The following TRPV1 variants were observed in gnomAD, a reference collection of about 807,000 sequenced individuals.
TRPV1 encodes OTRPC1.
TRPV1 carries 82 observed loss-of-function variants against 82.3 expected under a neutral mutation model. The ratio of observed to expected loss-of-function variants is 1.00; its 90% confidence interval spans 0.83 to 1.20. The LOEUF (loss-of-function observed/expected upper bound fraction) is 1.20. Ranked by LOEUF, TRPV1 falls within the 50% of genes most tolerant of loss-of-function variation. The pLI, the probability that TRPV1 is intolerant of heterozygous loss-of-function variation, is 0.00. For synonymous variants in TRPV1, 515 were observed against 467.7 expected (o/e 1.10, Z -1.30); for missense variants, 1,067 against 1,096.8 (o/e 0.97, Z 0.38).
chr17:3,575,590 AG>A (rs1428496606), intron 13 of TRPV1, among the ~76,000 whole-genome samples: 1 of 152,208 alleles, frequency 6.6e-6, no homozygotes, highest in African/African-American at 2.4e-5. Flanking sequence ...GATGAGAAAC[AG>A]GCTAGTCACA....
chr17:3,586,729 G>A lies in TRPV1; in HGVS notation c.1225-803C>T, dbSNP rs188254314. Among the ~76,000 whole-genome samples the A allele has an allele frequency of 3.3e-5, 5 of 152,212 alleles. No individual in the cohort carries two copies. In the East Asian group the frequency reaches 5.8e-4, roughly 18 times the overall value. ...AGAAGTTGCAGTGAGCTGAGATCAC[G>A]CCATTGCACTCCAACCTGGGTGACA... On this transcript the variant is annotated intron_variant, in intron 8 of 16. Transcript: ENST00000572705.
chr17:3,597,923 C>T (rs976173372), intron 2 of TRPV1, among the ~76,000 whole-genome samples: 1 of 152,292 alleles, frequency 6.6e-6, no homozygotes, highest in East Asian at 1.9e-4. Flanking sequence ...CCACCTGCCT[C>T]GGCCTCCCAA....
rs1181674724 is a variant in TRPV1, at chr17:3,573,885, C to T, written c.1851G>A (p.Arg617=). Residue 617 remains arginine (R), a synonymous_variant, in exon 14 of 17, where the codon CGG becomes CGA. Transcript: ENST00000572705. ...LPSESTSHRW[R]GPACRPPDSS... is the part of the protein sequence containing the mutation. ...TATCGGGGGGCCTGCAGGCAGGCCCCCGCCACCTGTGCGACGTGGACTCAG... is the reference window on the plus strand; with the variant it reads ...TATCGGGGGGCCTGCAGGCAGGCCCTCGCCACCTGTGCGACGTGGACTCAG... 2 of 1,611,334 alleles carry T rather than the reference C, an allele frequency of 1.2e-6. No individual in the cohort carries two copies. The highest frequency in any genetic ancestry group is 3.4e-5 in the Admixed American group (2 of 59,284).
At chr17:3,599,658 T>C (rs1038691682) in intron 2 of TRPV1, among the ~76,000 whole-genome samples, 4 of 149,758 alleles carry the variant, frequency 2.7e-5, no homozygotes, top group African/African-American at 5.0e-5. Context: ...AGATGAAGTC[T>C]CACTCTGTCC....
At chr17:3,568,990 C>G (rs896471526) in intron 16 of TRPV1, among the ~76,000 whole-genome samples, 1 of 152,092 alleles carries the variant, frequency 6.6e-6, no homozygotes, top group East Asian at 1.9e-4. Context: ...AGCTGGAAAC[C>G]ATCATTCTCA....
At chr17:3,574,767 G>A (rs950752895) in intron 13 of TRPV1, among the ~76,000 whole-genome samples, 4 of 151,920 alleles carry the variant, frequency 2.6e-5, no homozygotes, top group Non-Finnish European at 4.4e-5. Flanking sequence ...TGGCCAACAG[G>A]GTGAAACCCG....
intron 2 of TRPV1, among the ~76,000 whole-genome samples, chr17:3,603,108 A>G (rs1207147570): frequency 1.3e-5 from 2 of 151,828 alleles, no homozygotes; most frequent in East Asian, 3.9e-4. Flanking sequence ...CAACAAGAGC[A>G]AAACTCCATC....
At chr17:3,577,551 G>C (rs1007896640) in intron 12 of TRPV1, 47 bp downstream of exon 12, 1 of 1,546,824 alleles carries the variant, frequency 6.5e-7, no homozygotes, top group Non-Finnish European at 8.8e-7. Flanking sequence ...ACATGACCAC[G>C]AGGTAAGCGG....
intron 14 of TRPV1, among the ~76,000 whole-genome samples, chr17:3,572,762 C>G (rs1228076154): frequency 6.6e-6 from 1 of 152,210 alleles, no homozygotes. Context: ...GCAGGCAGAT[C>G]ACCTGAGGTC....
intron 2 of TRPV1, among the ~76,000 whole-genome samples, chr17:3,601,137 C>G (rs1176042789): frequency 6.6e-6 from 1 of 151,936 alleles, no homozygotes; most frequent in African/African-American, 2.4e-5. Flanking sequence ...GCCACCAAAC[C>G]CGGTGCCCTT....
rs1177498059 is a variant in TRPV1 at position 3,590,820 on chromosome 17, C to A, written c.604+144G>T. ...AGCCAGCAGATGGGAGAGGCAGGGA[C>A]CCCCTAGGATTAGGAGCCACCAACG... On this transcript the variant is annotated intron_variant, in intron 5 of 16. Coordinates refer to ENST00000572705, the MANE Select transcript of TRPV1 (RefSeq NM_080704.4). 9 of 1,169,170 alleles carry A rather than the reference C, an allele frequency of 7.7e-6. No individual in the cohort carries two copies. The African/African-American group carries it at 1.1e-4, about 14-fold the overall frequency. 72.4% of individuals were successfully genotyped at this position (1,169,170 alleles called of 1,614,324 possible). A position where few individuals can be genotyped will look rare whatever the true frequency, so the allele number is the denominator to read the frequency against.
chr17:3,599,215 G>A (rs1031304492), intron 2 of TRPV1, among the ~76,000 whole-genome samples: 2 of 151,888 alleles, frequency 1.3e-5, no homozygotes, highest in African/African-American at 2.4e-5. Flanking sequence ...CTCCAGCCTC[G>A]GCAACAAGAG....
chr17:3,582,463 C>G (rs2075033253), intron 10 of TRPV1, among the ~76,000 whole-genome samples: 1 of 151,978 alleles, frequency 6.6e-6, no homozygotes, highest in Non-Finnish European at 1.5e-5. Context: ...TACATTCAGA[C>G]TTTTTTGTAC....
At position 3,573,954 on chromosome 17, in the gene TRPV1, C is replaced by T. The variant is rs186986460; in HGVS notation, c.1782G>A (p.Ala594=). ...TCCCGTCTTCAATCAGCGTCACCACCGCTACAGGGCACAGGGAGGGCGGGG... is the reference window on the plus strand; with the variant it reads ...TCCCGTCTTCAATCAGCGTCACCACTGCTACAGGGCACAGGGAGGGCGGGG... ...YIVFLFGFST[A]VVTLIEDGKN... is the part of the protein sequence containing the mutation. The change falls in exon 14 of 17, where the codon GCG becomes GCA. Residue 594 remains alanine (A), a splice_region_variant and synonymous_variant. Coordinates refer to ENST00000572705, the MANE Select transcript of TRPV1 (RefSeq NM_080704.4). The T allele has an allele frequency of 2.8e-5, 45 of 1,595,564 alleles. 1 individual carries two copies. In the East Asian group the frequency reaches 3.6e-4, roughly 13 times the overall value.
At chr17:3,581,566 T>C (rs755219399) in intron 10 of TRPV1, among the ~76,000 whole-genome samples, 4 of 151,730 alleles carry the variant, frequency 2.6e-5, no homozygotes, top group Non-Finnish European at 5.9e-5. Flanking sequence ...GGATAGAGCT[T>C]ATACCAAAAA....
intron 13 of TRPV1, among the ~76,000 whole-genome samples, chr17:3,575,115 T>C (rs1202613062): frequency 6.6e-6 from 1 of 151,948 alleles, no homozygotes; most frequent in Non-Finnish European, 1.5e-5. Flanking sequence ...AACAAATACA[T>C]AGAAATGGGG....
At chr17:3,597,949 G>T (rs2075233835) in intron 2 of TRPV1, among the ~76,000 whole-genome samples, 1 of 152,208 alleles carries the variant, frequency 6.6e-6, no homozygotes, top group South Asian at 2.1e-4. Flanking sequence ...TGGGATTCCA[G>T]GCGTGAGCCA....
At position 3,601,254 on chromosome 17, in the gene TRPV1, G is replaced by A. The variant is rs775699395; in HGVS notation, c.-34+7173C>T. Among the ~76,000 whole-genome samples, 7 of 151,888 alleles carry A rather than the reference G, an allele frequency of 4.6e-5. 1 individual carries two copies. The highest frequency in any genetic ancestry group is 8.8e-5 in the Non-Finnish European group (6 of 67,942). Reference sequence around the variant, plus strand: ...CTTCTTCTCACCTGAATGACCAGAAGTGCCTCCTTTCCCTGGTCCAACCTC... The same window carrying A: ...CTTCTTCTCACCTGAATGACCAGAAATGCCTCCTTTCCCTGGTCCAACCTC... On this transcript the variant is annotated intron_variant, in intron 2 of 16. Transcript: ENST00000572705.
At chr17:3,589,108 G>C (rs768347790) in intron 7 of TRPV1, 47 of 736,022 alleles carry the variant, frequency 6.4e-5, no homozygotes, top group Admixed American at 1.1e-4. Context: ...GGAGCCACCA[G>C]CTGGAGCTGG....
Sources: gnomAD v4.1 joint callset for allele counts (sites outside exome capture counted in the v4.1 genomes callset) on GRCh38, gnomAD v4.1.1 for gene constraint, MANE v1.5 for transcripts, NCBI Gene and HGNC (gene_info 2026-07-23, HGNC 2026-07-21) for gene names.